Variants in GPR161 observed in about 807,000 individuals in gnomAD.
GPR161 encodes the protein G protein-coupled receptor 161, also known as G-protein coupled receptor RE2.
In GPR161, 25 loss-of-function variants were observed where a neutral mutation model predicts 39.2. The observed-to-expected ratio is 0.64, with a 90% CI of 0.47 to 0.89. GPR161 has a LOEUF of 0.89. Among genes scored for constraint, GPR161 ranks in the 40% least tolerant of loss-of-function variants. GPR161 has a pLI of 0.00. For missense variants in GPR161, 547 were observed against 677.8 expected, an observed-to-expected ratio of 0.81 and a Z score of 2.14; for synonymous variants, 286 against 276.6, an observed-to-expected ratio of 1.03 and a Z score of -0.34.
At chr1:168,110,547 GAAAAGA>G (rs1390600551) in intron 1 of GPR161, among the ~76,000 whole-genome samples, 3 of 23,628 alleles carry the variant, frequency 1.3e-4, no homozygotes, top group Non-Finnish European at 1.6e-4. Context: ...GGAAAGAAAA[GAAAAGA>G]AAAGAAAAGA....
intron 2 of GPR161, among the ~76,000 whole-genome samples, chr1:168,102,927 T>TAATC (rs1456010022): frequency 6.6e-6 from 1 of 151,950 alleles, no homozygotes; most frequent in African/African-American, 2.4e-5. Flanking sequence ...AAAAATTATA[T>TAATC]AATCAGTCCT....
At chr1:168,129,869 C>G (rs1316486392) in intron 1 of GPR161, among the ~76,000 whole-genome samples, 1 of 152,196 alleles carries the variant, frequency 6.6e-6, no homozygotes, top group Non-Finnish European at 1.5e-5. Flanking sequence ...CAGGAACCCT[C>G]TAGAGGGTAG....
In GPR161 at chr1:168,082,233, T is replaced by C. The variant is rs1229588633; in HGVS notation, c.*3298A>G. On this transcript the variant is annotated 3_prime_UTR_variant, in exon 6 of 6. Coordinates refer to ENST00000682931, the MANE Select transcript of GPR161 (RefSeq NM_001375883.1). ...CTCAACTCTGCTTCTCCAGGAGCAG[T>C]GATCTACCTAAGATCACTCAGTGGC... is the stretch of plus-strand genomic sequence containing the variant. The C allele has an allele frequency of 2.6e-5, 4 of 152,184 alleles. No homozygotes were observed. The highest frequency in any genetic ancestry group is 5.9e-5 in the Non-Finnish European group (4 of 68,030). The allele number at this position is 152,184 out of a possible 1,614,324, so 9.4% of individuals were successfully genotyped here. A position where few individuals can be genotyped will look rare whatever the true frequency, so the allele number is the denominator to read the frequency against.
At chr1:168,104,099 C>T (rs924288775) in intron 2 of GPR161, among the ~76,000 whole-genome samples, 4 of 152,114 alleles carry the variant, frequency 2.6e-5, no homozygotes, top group Non-Finnish European at 5.9e-5. Context: ...TAGTCAACAC[C>T]AAAGCAAGAC....
chr1:168,105,169 T>A (rs1198311681), intron 1 of GPR161, among the ~76,000 whole-genome samples: 2 of 152,192 alleles, frequency 1.3e-5, no homozygotes, highest in Admixed American at 6.5e-5. Flanking sequence ...AAACCTTTAA[T>A]GTGCTGAAGA....
In GPR161 at chr1:168,115,900, C is replaced by T. The variant is rs569635737; in HGVS notation, c.-44-11006G>A. 1.2e-4 allele frequency among the ~76,000 whole-genome samples: 18 copies of T among 152,162 alleles called. No individual in the cohort carries two copies. In the South Asian group the frequency reaches 3.3e-3, roughly 28 times the overall value. On this transcript the variant is annotated intron_variant, in intron 1 of 5. Coordinates refer to ENST00000682931, the MANE Select transcript of GPR161 (RefSeq NM_001375883.1). ...ACGCCATTCTCCTGCCTCAGCCTCC[C>T]GAGCAGCTGAGACTACAGGCGCCCG... is the stretch of plus-strand genomic sequence containing the variant.
chr1:168,090,355 C>T (rs1021103144), intron 4 of GPR161: 1 of 486,698 alleles, frequency 2.1e-6, no homozygotes, highest in Admixed American at 3.5e-5. Flanking sequence ...ACTGACAGCC[C>T]CATTTTGTAG....
chr1:168,129,388 A>G (rs1012251313), intron 1 of GPR161, among the ~76,000 whole-genome samples: 2 of 152,224 alleles, frequency 1.3e-5, no homozygotes, highest in Non-Finnish European at 2.9e-5. Context: ...AAAGCATTGC[A>G]GGCCTGGAGA....
intron 3 of GPR161, among the ~76,000 whole-genome samples, chr1:168,091,227 G>A (rs1001567288): frequency 2.0e-5 from 3 of 152,022 alleles, no homozygotes; most frequent in Non-Finnish European, 2.9e-5. Context: ...GGGTTGGGGG[G>A]TAGGGGGCCA....
chr1:168,135,624 A>G (rs902164333), intron 1 of GPR161, among the ~76,000 whole-genome samples: 7 of 152,014 alleles, frequency 4.6e-5, no homozygotes, highest in Non-Finnish European at 7.4e-5. Flanking sequence ...CCGAAGCAGT[A>G]GCTCTCCAGA....
chr1:168,135,739 G>A (rs1434468453), intron 1 of GPR161, among the ~76,000 whole-genome samples: 2 of 152,204 alleles, frequency 1.3e-5, no homozygotes, highest in African/African-American at 2.4e-5. Context: ...CAGCCCCTAG[G>A]ACGCTGAGAC....
chr1:168,122,342 C>T (rs1339466170), intron 1 of GPR161, among the ~76,000 whole-genome samples: 1 of 152,198 alleles, frequency 6.6e-6, no homozygotes, highest in Non-Finnish European at 1.5e-5. Flanking sequence ...TTCTCTGCTA[C>T]CACCACTCTG....
intron 2 of GPR161, among the ~76,000 whole-genome samples, chr1:168,101,299 G>A (rs775779343): frequency 6.6e-6 from 1 of 152,166 alleles, no homozygotes; most frequent in Non-Finnish European, 1.5e-5. Context: ...TCTCAGCTGG[G>A]AACCCCTGGG....
chr1:168,116,164 G>A (rs951109546), intron 1 of GPR161, among the ~76,000 whole-genome samples: 2 of 152,100 alleles, frequency 1.3e-5, no homozygotes, highest in Admixed American at 6.5e-5. Context: ...TCCTCCACAG[G>A]CTCCTTTAGA....
intron 1 of GPR161, among the ~76,000 whole-genome samples, chr1:168,120,178 C>A (rs1325030861): frequency 6.6e-6 from 1 of 152,258 alleles, no homozygotes; most frequent in Admixed American, 6.5e-5. Flanking sequence ...CCCTGAAGAG[C>A]CACAGAGGTG....
At position 168,104,582 on chromosome 1, in the gene GPR161, C is replaced by A. The variant is rs758001918; in HGVS notation, c.269G>T (p.Arg90Leu). Residue 90 changes from arginine to leucine, a missense_variant, in exon 2 of 6, where the codon CGC (arginine) becomes CTC (leucine). By Grantham distance (102) the Arg-to-Leu change is moderately radical. Transcript: ENST00000682931. ...VLPFVVTSSI[R>L]REWIFGVVWC... ...CACTACACCAAAGATCCATTCCCTG[C>A]GGATGGAGCTCGTCACCACAAAAGG... 2 of 1,612,948 alleles carry A rather than the reference C, an allele frequency of 1.2e-6. No homozygotes were observed. The highest frequency in any genetic ancestry group is 1.7e-6 in the Non-Finnish European group (2 of 1,179,082).
chr1:168,135,647 G>T (rs1294838539), intron 1 of GPR161, among the ~76,000 whole-genome samples: 1 of 144,454 alleles, frequency 6.9e-6, no homozygotes, highest in African/African-American at 2.6e-5. Context: ...TCATCTGGAG[G>T]TCCAGGTCAC....
chr1:168,095,899 C>T (rs532379520), intron 3 of GPR161, among the ~76,000 whole-genome samples: 4 of 152,170 alleles, frequency 2.6e-5, no homozygotes, highest in Admixed American at 2.0e-4. Context: ...CTTTGGGTGG[C>T]TGAGGTGGGC....
intron 1 of GPR161, among the ~76,000 whole-genome samples, chr1:168,133,303 G>C (rs1189292932): frequency 6.6e-6 from 1 of 151,998 alleles, no homozygotes; most frequent in Non-Finnish European, 1.5e-5. Context: ...AATAAACAAA[G>C]ATAATTCTGC....
Sources: allele counts gnomAD v4.1 joint callset (sites outside exome capture counted in the v4.1 genomes callset), GRCh38; gene constraint gnomAD v4.1.1; transcripts MANE v1.5; gene names NCBI Gene and HGNC (gene_info 2026-07-23, HGNC 2026-07-21).